ZNF536: variants seen among roughly 807,000 people sequenced by gnomAD.
The protein encoded by ZNF536 is zinc finger protein 536.
In ZNF536, 13 loss-of-function variants were observed where a neutral mutation model predicts 84.5. That is an observed-to-expected ratio of 0.15 (90% CI 0.10 to 0.24). ZNF536 has a LOEUF of 0.24. Ranked by LOEUF, ZNF536 falls within the 10% of genes least tolerant of loss-of-function variation. ZNF536 has a pLI of 1.00. For synonymous variants in ZNF536, 811 were observed against 742.5 expected (o/e 1.09, Z -1.50); for missense variants, 1,536 against 1,747.5 (o/e 0.88, Z 2.16).
At chr19:30,281,329 A>C (rs1731067577) in intron 1 of ZNF536, among the ~76,000 whole-genome samples, 4 of 150,340 alleles carry the variant, frequency 2.7e-5, no homozygotes, top group South Asian at 2.1e-4. Context: ...AAACCTTCTC[A>C]CTCCCCTTTC....
intron 1 of ZNF536, among the ~76,000 whole-genome samples, chr19:30,393,540 G>T (rs951256698): frequency 2.0e-5 from 3 of 152,210 alleles, no homozygotes; most frequent in Admixed American, 6.5e-5. Context: ...AGTCTGGCAG[G>T]TGCCTTAAGG....
At chr19:30,595,259 G>A (rs2047419966) in intron 1 of ZNF536, among the ~76,000 whole-genome samples, 1 of 152,082 alleles carries the variant, frequency 6.6e-6, no homozygotes, top group Non-Finnish European at 1.5e-5. Flanking sequence ...CTTGGGAGCT[G>A]GCAACAGTGG....
At chr19:30,623,040 G>GTTTTTTTT (rs778168856) in intron 1 of ZNF536, among the ~76,000 whole-genome samples, 55 of 99,236 alleles carry the variant, frequency 5.5e-4, no homozygotes, top group East Asian at 8.2e-4. Flanking sequence ...TTGTTTTTTT[G>GTTTTTTTT]TTTTTTTGTT....
intron 1 of ZNF536, among the ~76,000 whole-genome samples, chr19:30,687,450 A>C (rs1249321786): frequency 6.6e-6 from 1 of 152,186 alleles, no homozygotes; most frequent in Non-Finnish European, 1.5e-5. Context: ...TTTATCTTTA[A>C]AGCTGAATTT....
intron 2 of ZNF536, among the ~76,000 whole-genome samples, chr19:30,478,498 G>A (rs1191788900): frequency 6.6e-6 from 1 of 152,126 alleles, no homozygotes; most frequent in Non-Finnish European, 1.5e-5. Flanking sequence ...GCTCAGTCAG[G>A]CATGGTCTGA....
upstream of ZNF536, among the ~76,000 whole-genome samples, chr19:30,369,834 T>A (rs957829958): frequency 6.6e-6 from 1 of 152,116 alleles, no homozygotes; most frequent in Non-Finnish European, 1.5e-5. Context: ...AAAAAAACAG[T>A]AATAGGCTGG....
At chr19:30,267,097 A>G (rs2025553586) in intron 1 of ZNF536, among the ~76,000 whole-genome samples, 1 of 152,262 alleles carries the variant, frequency 6.6e-6, no homozygotes, top group Non-Finnish European at 1.5e-5. Context: ...ATGAACAGAG[A>G]TAGAAAATGA....
chr19:30,471,187 G>C (rs1290652284), intron 2 of ZNF536, among the ~76,000 whole-genome samples: 7 of 152,124 alleles, frequency 4.6e-5, no homozygotes, highest in African/African-American at 9.7e-5. Context: ...TGTGAGGAAG[G>C]CCAGGGAGAT....
At chr19:30,434,942 G>A (rs1014723655) in intron 1 of ZNF536, among the ~76,000 whole-genome samples, 1 of 151,454 alleles carries the variant, frequency 6.6e-6, no homozygotes, top group African/African-American at 2.4e-5. Flanking sequence ...TGGTGATGAT[G>A]GTGATAATGA....
chr19:30,448,342 T>A (rs1206515420), intron 2 of ZNF536, among the ~76,000 whole-genome samples: 1 of 152,200 alleles, frequency 6.6e-6, no homozygotes, highest in Non-Finnish European at 1.5e-5. Flanking sequence ...CCAACAAGTT[T>A]GACTTGTATA....
chr19:30,564,860 T>C (rs1435657480), intron 1 of ZNF536, among the ~76,000 whole-genome samples: 4 of 152,168 alleles, frequency 2.6e-5, no homozygotes, highest in Admixed American at 1.3e-4. Flanking sequence ...ACTCCAAGGA[T>C]TGGAAACGGG....
intron 2 of ZNF536, among the ~76,000 whole-genome samples, chr19:30,328,363 C>T (rs1432535470): frequency 2.6e-5 from 4 of 152,162 alleles, no homozygotes; most frequent in East Asian, 3.9e-4. Context: ...AGCTCATGTC[C>T]CTATCACAGC....
At chr19:30,597,454 G>A (rs375598329) in intron 1 of ZNF536, among the ~76,000 whole-genome samples, 3 of 152,168 alleles carry the variant, frequency 2.0e-5, no homozygotes, top group African/African-American at 7.2e-5. Flanking sequence ...TGGGCTGATG[G>A]GAGTGCAGGA....
At chr19:30,558,904 T>A (rs1280887919), downstream of ZNF536, among the ~76,000 whole-genome samples, 2 of 152,114 alleles carry the variant, frequency 1.3e-5, no homozygotes, top group African/African-American at 4.8e-5. Flanking sequence ...CAACCCCAAA[T>A]AAATAAAGTG....
intron 1 of ZNF536, among the ~76,000 whole-genome samples, chr19:30,606,771 C>T (rs2047908194): frequency 6.6e-6 from 1 of 152,088 alleles, no homozygotes; most frequent in African/African-American, 2.4e-5. Flanking sequence ...CCAGCAGGGG[C>T]CCTGTCCAGC....
chr19:30,575,905 C>G (rs924415144), intron 1 of ZNF536, among the ~76,000 whole-genome samples: 2 of 152,104 alleles, frequency 1.3e-5, no homozygotes, highest in Non-Finnish European at 2.9e-5. Flanking sequence ...GGGGGAGGGA[C>G]GGGTCACAGA....
chr19:30,462,303 A>T (rs62103382), intron 2 of ZNF536, among the ~76,000 whole-genome samples: 13,711 of 109,578 alleles, frequency 0.13, 662 homozygotes, highest in South Asian at 0.2. Context: ...TGTGTGTGTG[A>T]GTGTGTGTGT....
At chr19:30,349,464 G>T (rs1468343403) in intron 2 of ZNF536, among the ~76,000 whole-genome samples, 1 of 152,096 alleles carries the variant, frequency 6.6e-6, no homozygotes, top group Non-Finnish European at 1.5e-5. Context: ...CATTCAGAAA[G>T]CCCCACTCCA....
intron 1 of ZNF536, among the ~76,000 whole-genome samples, chr19:30,605,717 T>G (rs1057150706): frequency 6.6e-6 from 1 of 152,214 alleles, no homozygotes; most frequent in Non-Finnish European, 1.5e-5. Context: ...GTGGGATTCC[T>G]GGATCGAATG....
Sources: gnomAD v4.1 joint callset for allele counts (sites outside exome capture counted in the v4.1 genomes callset) on GRCh38, gnomAD v4.1.1 for gene constraint, MANE v1.5 for transcripts, NCBI Gene and HGNC (gene_info 2026-07-23, HGNC 2026-07-21) for gene names.